The following SPMIP8 variants were observed in gnomAD, a reference collection of about 807,000 sequenced individuals.
SPMIP8 encodes the protein testicular tissue protein Li 196.
chr16:57,977,870 T>G, the SPMIP8 span: 1 of 1,614,142 alleles, frequency 6.2e-7, no homozygotes, highest in Non-Finnish European at 8.5e-7. Context: ...CACATGTGTA[T>G]GCCTCCCCGG....
chr16:57,981,785 C>T, the SPMIP8 span, among the ~76,000 whole-genome samples: 2 of 151,942 alleles, frequency 1.3e-5, no homozygotes, highest in African/African-American at 4.8e-5. Flanking sequence ...GGATTACAGG[C>T]GTAGCCACCG....
chr16:57,984,137 T>C, the SPMIP8 span, among the ~76,000 whole-genome samples: 3 of 148,586 alleles, frequency 2.0e-5, no homozygotes, highest in African/African-American at 7.5e-5. Flanking sequence ...CTCCTGACCT[T>C]AAGTGATCCA....
chr16:57,987,349 CT>C, the SPMIP8 span: 1 of 1,489,700 alleles, frequency 6.7e-7, no homozygotes, highest in Non-Finnish European at 8.9e-7. Context: ...GATTTTTCCC[CT>C]AGGACACCCT....
At chr16:57,985,897 G>T in the SPMIP8 span, 15 of 1,611,124 alleles carry the variant, frequency 9.3e-6, no homozygotes, top group Non-Finnish European at 1.3e-5. Context: ...CACCCGCCCC[G>T]TTCTTTCCCA....
At chr16:57,977,431 A>G in the SPMIP8 span, among the ~76,000 whole-genome samples, 3 of 150,150 alleles carry the variant, frequency 2.0e-5, no homozygotes, top group South Asian at 6.3e-4. Flanking sequence ...AAAAGAAAAG[A>G]AAGAAAGAAA....
At chr16:57,978,815 C>T in the SPMIP8 span, among the ~76,000 whole-genome samples, 1 of 151,994 alleles carries the variant, frequency 6.6e-6, no homozygotes, top group Non-Finnish European at 1.5e-5. Context: ...ACAGGGTCTC[C>T]CTATGTTGCC....
the SPMIP8 span, among the ~76,000 whole-genome samples, chr16:57,984,023 C>T: frequency 6.6e-6 from 1 of 152,130 alleles, no homozygotes; most frequent in Admixed American, 6.5e-5. Flanking sequence ...TCTGCCTTAG[C>T]CTCCCGAGTA....
At chr16:57,977,905 A>C in the SPMIP8 span, 3 of 1,614,128 alleles carry the variant, frequency 1.9e-6, no homozygotes, top group Non-Finnish European at 2.5e-6. Flanking sequence ...ATGGAGCGGC[A>C]GCGCAACCAG....
chr16:57,978,078 C>T, the SPMIP8 span: 1 of 1,573,476 alleles, frequency 6.4e-7, no homozygotes, highest in Admixed American at 1.8e-5. Flanking sequence ...GGGGAAGGGG[C>T]AGATGGTTTC....
the SPMIP8 span, chr16:57,984,391 G>T: frequency 6.2e-7 from 1 of 1,613,722 alleles, no homozygotes; most frequent in Non-Finnish European, 8.5e-7. Context: ...CTGCCCTTGG[G>T]TTTGCTAAGG....
chr16:57,985,525 A>G, the SPMIP8 span: 3 of 1,607,426 alleles, frequency 1.9e-6, no homozygotes, highest in Non-Finnish European at 2.5e-6. Context: ...TACGGACAGA[A>G]GCCCCTGCCT....
chr16:57,977,869 A>T, the SPMIP8 span: 1 of 1,614,086 alleles, frequency 6.2e-7, no homozygotes, highest in Non-Finnish European at 8.5e-7. Flanking sequence ...ACACATGTGT[A>T]TGCCTCCCCG....
chr16:57,985,178 G>A, the SPMIP8 span: 1 of 1,487,928 alleles, frequency 6.7e-7, no homozygotes, highest in Non-Finnish European at 8.9e-7. Flanking sequence ...GGGCGGATGA[G>A]CGCTCGAGAG....
chr16:57,985,934 A>G, the SPMIP8 span: 1 of 1,612,616 alleles, frequency 6.2e-7, no homozygotes, highest in South Asian at 1.1e-5. Flanking sequence ...CTTCGGCTCC[A>G]GCTACAGGTA....
the SPMIP8 span, chr16:57,978,048 A>G: frequency 6.2e-7 from 1 of 1,610,566 alleles, no homozygotes; most frequent in Non-Finnish European, 8.5e-7. Flanking sequence ...AGGTTAGGAC[A>G]CCAGTGTAGG....
chr16:57,982,326 T>C, the SPMIP8 span, among the ~76,000 whole-genome samples: 17 of 152,226 alleles, frequency 1.1e-4, no homozygotes, highest in African/African-American at 3.9e-4. Context: ...GAATTCAATC[T>C]AGGATTACGT....
At chr16:57,978,142 C>T in the SPMIP8 span, 12 of 1,348,776 alleles carry the variant, frequency 8.9e-6, no homozygotes, top group East Asian at 2.3e-4. Context: ...AGCTCTGCTG[C>T]TCCCTGCCCA....
chr16:57,984,860 C>T, the SPMIP8 span: 18 of 1,541,564 alleles, frequency 1.2e-5, no homozygotes, highest in East Asian at 4.2e-4. Context: ...GGCCGCGGGG[C>T]TGGAGCAGGG....
the SPMIP8 span, chr16:57,985,871 C>T: frequency 2.5e-6 from 4 of 1,592,490 alleles, no homozygotes; most frequent in African/African-American, 1.3e-5. Flanking sequence ...AGGGTCGCCC[C>T]TTCCCATCTC....
Sources: allele counts gnomAD v4.1 joint callset (sites outside exome capture counted in the v4.1 genomes callset), GRCh38; gene constraint gnomAD v4.1.1; transcripts MANE v1.5; gene names NCBI Gene and HGNC (gene_info 2026-07-23, HGNC 2026-07-21).